The following UNC13C variants were observed in gnomAD, a reference collection of about 807,000 sequenced individuals.
The protein encoded by UNC13C is protein unc-13 homolog C.
Under a neutral mutation model 245.4 loss-of-function variants are expected in UNC13C, and 174 were observed. The observed-to-expected ratio is 0.71, with a 90% confidence interval of 0.63 to 0.80. The LOEUF is 0.80. UNC13C is among the 30% of genes least tolerant of loss of function. The pLI is 0.00. For synonymous variants in UNC13C, 992 were observed against 895.1 expected (o/e 1.11, Z -1.93); for missense variants, 2,829 against 2,602.9 (o/e 1.09, Z -1.89).
At chr15:54,529,739 TG>T (rs774843287) in intron 25 of UNC13C, among the ~76,000 whole-genome samples, 9 of 151,904 alleles carry the variant, frequency 5.9e-5, no homozygotes, top group Non-Finnish European at 1.3e-4. Flanking sequence ...AGGAGAGGAG[TG>T]GGAATGACTT....
intron 2 of UNC13C, among the ~76,000 whole-genome samples, chr15:54,142,016 C>T (rs2032045752): frequency 1.3e-5 from 2 of 152,084 alleles, no homozygotes; most frequent in South Asian, 2.1e-4. Flanking sequence ...TAAGTAAACT[C>T]CAGTGTCACT....
chr15:53,948,960 G>A, the UNC13C span, among the ~76,000 whole-genome samples: 1 of 152,112 alleles, frequency 6.6e-6, no homozygotes, highest in Admixed American at 6.6e-5. Context: ...AACCATTAAA[G>A]GTATTTTCCA....
At chr15:54,523,185 G>T (rs565701684) in intron 24 of UNC13C, among the ~76,000 whole-genome samples, 3 of 152,234 alleles carry the variant, frequency 2.0e-5, no homozygotes, top group African/African-American at 7.2e-5. Context: ...TAATGCAGAA[G>T]AACTCAAAAA....
At chr15:54,487,088 A>G (rs187759689) in intron 19 of UNC13C, among the ~76,000 whole-genome samples, 13 of 152,302 alleles carry the variant, frequency 8.5e-5, no homozygotes, top group Admixed American at 5.2e-4. Flanking sequence ...ATGTCCAACC[A>G]GAACATACTC....
intron 4 of UNC13C, among the ~76,000 whole-genome samples, chr15:54,233,626 A>C (rs2035610808): frequency 1.3e-5 from 2 of 152,200 alleles, no homozygotes; most frequent in African/African-American, 4.8e-5. Context: ...TGTTAGTAGT[A>C]GTGGATAACT....
intron 19 of UNC13C, among the ~76,000 whole-genome samples, chr15:54,479,916 T>TGCTGGG (rs1439763918): frequency 1.3e-5 from 2 of 152,282 alleles, no homozygotes; most frequent in East Asian, 3.9e-4. Context: ...ATAGTAGCTT[T>TGCTGGG]GCTGGGTATA....
intron 7 of UNC13C, among the ~76,000 whole-genome samples, chr15:54,245,113 TA>T (rs2035958262): frequency 6.6e-6 from 1 of 152,154 alleles, no homozygotes; most frequent in African/African-American, 2.4e-5. Flanking sequence ...TTAAAATGGC[TA>T]AAGTTTCCCC....
chr15:53,870,304 T>C, the UNC13C span, among the ~76,000 whole-genome samples: 1 of 152,234 alleles, frequency 6.6e-6, no homozygotes, highest in African/African-American at 2.4e-5. Flanking sequence ...TCTATTTTTC[T>C]ATAATATTAA....
intron 2 of UNC13C, among the ~76,000 whole-genome samples, chr15:54,059,725 G>A (rs1183611162): frequency 6.6e-6 from 1 of 152,134 alleles, no homozygotes; most frequent in African/African-American, 2.4e-5. Context: ...TATACTGCAA[G>A]GCTACAGTAA....
At chr15:54,139,445 C>G (rs1238789133) in intron 2 of UNC13C, among the ~76,000 whole-genome samples, 4 of 152,096 alleles carry the variant, frequency 2.6e-5, no homozygotes, top group Non-Finnish European at 5.9e-5. Flanking sequence ...CAACCCATAA[C>G]AAAAATAATT....
intron 8 of UNC13C, among the ~76,000 whole-genome samples, chr15:54,253,841 G>A (rs2036214569): frequency 6.6e-6 from 1 of 152,098 alleles, no homozygotes; most frequent in Non-Finnish European, 1.5e-5. Context: ...AAAAAAGACA[G>A]CTACAGAGAT....
At chr15:54,446,695 G>A (rs545674169) in intron 19 of UNC13C, among the ~76,000 whole-genome samples, 2 of 152,268 alleles carry the variant, frequency 1.3e-5, no homozygotes, top group South Asian at 2.1e-4. Flanking sequence ...TTTGGGCTGA[G>A]ATAATGGGGT....
At chr15:54,250,526 T>G in intron 8 of UNC13C, 82 bp downstream of exon 8, 1 of 1,330,644 alleles carries the variant, frequency 7.5e-7, no homozygotes. Flanking sequence ...CTTCAACTCT[T>G]GCTGGTTGTC....
chr15:54,340,604 G>A (rs569214365), intron 17 of UNC13C, among the ~76,000 whole-genome samples: 24 of 152,166 alleles, frequency 1.6e-4, no homozygotes, highest in African/African-American at 4.1e-4. Context: ...GTAAGTATGC[G>A]GGTTTATTTA....
At chr15:54,372,944 C>T (rs1182828295) in intron 17 of UNC13C, among the ~76,000 whole-genome samples, 1 of 152,122 alleles carries the variant, frequency 6.6e-6, no homozygotes, top group African/African-American at 2.4e-5. Context: ...AACTATGGTA[C>T]TGGATAGCAG....
chr15:54,563,280 T>A (rs1897370311), intron 29 of UNC13C, among the ~76,000 whole-genome samples: 1 of 152,100 alleles, frequency 6.6e-6, no homozygotes, highest in South Asian at 2.1e-4. Context: ...TTTTTTTAAG[T>A]CCATAGCAAA....
intron 1 of UNC13C, among the ~76,000 whole-genome samples, chr15:53,982,951 G>T (rs980176575): frequency 2.0e-5 from 3 of 152,118 alleles, no homozygotes; most frequent in Non-Finnish European, 4.4e-5. Context: ...TTGGTGAATA[G>T]CATTTGTCTA....
In UNC13C at chr15:54,603,837, T is replaced by TGGGAGACAGA. The variant is rs554950628; in HGVS notation, c.6107-18482_6107-18473dup. Among the ~76,000 whole-genome samples, 66 of 152,272 alleles carry TGGGAGACAGA rather than the reference T, an allele frequency of 4.3e-4. No individual in the cohort carries two copies. In the East Asian group the frequency reaches 9.4e-3, roughly 22 times the overall value. ...GAGGTCGCAGCACTGCACTCCAGTC[T>TGGGAGACAGA]GGGAGACAGAGGGAGACTCCAAAAA... is the stretch of plus-strand genomic sequence containing the variant. On this transcript the variant is annotated intron_variant, in intron 30 of 32. Transcript: ENST00000260323.
At chr15:54,283,813 A>G (rs62011993) in intron 10 of UNC13C, among the ~76,000 whole-genome samples, 5,211 of 152,204 alleles carry the variant, frequency 0.034, 139 homozygotes, top group Non-Finnish European at 0.05. Flanking sequence ...GGCTCAGTGC[A>G]ACTGAGCAAC....
Sources: allele counts gnomAD v4.1 joint callset (sites outside exome capture counted in the v4.1 genomes callset), GRCh38; gene constraint gnomAD v4.1.1; transcripts MANE v1.5; gene names NCBI Gene and HGNC (gene_info 2026-07-23, HGNC 2026-07-21).